Variants in SCARB2 observed in about 807,000 individuals in gnomAD.
SCARB2 encodes scavenger receptor class B member 2.
A neutral mutation model predicts 58.6 loss-of-function variants in SCARB2; 29 were observed. The observed-to-expected ratio is 0.49, with a 90% CI of 0.37 to 0.67. SCARB2 has a LOEUF of 0.67. Ranked by LOEUF, SCARB2 falls within the 30% of genes least tolerant of loss-of-function variation. The probability of loss-of-function intolerance (pLI) is 0.00; values close to 1 mark genes in which losing one functional copy is unlikely to be tolerated. For synonymous variants in SCARB2, 195 were observed against 210.1 expected, an observed-to-expected ratio of 0.93 and a Z score of 0.62; for missense variants, 488 against 578.5, an observed-to-expected ratio of 0.84 and a Z score of 1.60.
rs28589769 is a variant in SCARB2, at chr4:76,203,413, C to A, written c.118-7549G>T. Among the ~76,000 whole-genome samples the A allele has an allele frequency of 8.3e-3, 1,270 of 152,308 alleles. 15 individuals are homozygous for A. The highest frequency in any genetic ancestry group is 0.029 in the African/African-American group (1,205 of 41,560). Reference sequence around the variant, plus strand: ...AGCAGTGTATGAGCAACCATTTCAGCATATCCATCCCAATATTGGTGTTTA... The same window carrying A: ...AGCAGTGTATGAGCAACCATTTCAGAATATCCATCCCAATATTGGTGTTTA... On this transcript the variant is annotated intron_variant, in intron 1 of 11. Transcript: ENST00000264896.
chr4:76,175,747 A>G (rs1445542830), intron 6 of SCARB2, 44 bp downstream of exon 6: 1 of 1,611,038 alleles, frequency 6.2e-7, no homozygotes, highest in Non-Finnish European at 8.5e-7. Context: ...TCTTGCAGTG[A>G]AAGACCTTAT....
intron 8 of SCARB2, among the ~76,000 whole-genome samples, chr4:76,169,452 A>G (rs1027597570): frequency 5.3e-5 from 8 of 152,204 alleles, no homozygotes; most frequent in Admixed American, 5.2e-4. Flanking sequence ...GTTAATATAC[A>G]TATTCATATT....
chr4:76,181,525 T>A (rs1413552733), intron 2 of SCARB2, among the ~76,000 whole-genome samples: 2 of 152,196 alleles, frequency 1.3e-5, no homozygotes, highest in South Asian at 2.1e-4. Flanking sequence ...AATTTTATTT[T>A]AAAAAATAAT....
rs1401210252 is a variant in SCARB2 at position 76,161,004 on chromosome 4, T to C, written c.*709A>G. The stretch of plus-strand genomic sequence containing the variant: ...ACTTTATCCTCACCAACATTATTTA[T>C]GCATTCTCTTCGTTCACAAAAGTAC... On this transcript the variant is annotated 3_prime_UTR_variant, in exon 12 of 12. Coordinates refer to ENST00000264896, the MANE Select transcript of SCARB2 (RefSeq NM_005506.4). 1 of 152,510 alleles carries C rather than the reference T, an allele frequency of 6.6e-6. No homozygotes were observed. Among genetic ancestry groups the C allele is most frequent in the Non-Finnish European group, 1.5e-5 (1 of 68,214 alleles). 9.4% of individuals were successfully genotyped at this position (152,510 alleles called of 1,614,324 possible).
Position 76,213,578 on chromosome 4 carries a change from C to A in SCARB2, c.-35G>T, listed in dbSNP as rs1168028310. 1 of 1,567,148 alleles carries A rather than the reference C, an allele frequency of 6.4e-7. No individual in the cohort carries two copies. The highest frequency in any genetic ancestry group is 1.4e-5 in the African/African-American group (1 of 73,978). The stretch of plus-strand genomic sequence containing the variant: ...CGCTCACGGGCCGGGCCGGGCCGCA[C>A]CCGCCAGGGATCCAACTGCAAGGAG... On this transcript the variant is annotated 5_prime_UTR_variant, in exon 1 of 12. Coordinates refer to ENST00000264896, the MANE Select transcript of SCARB2 (RefSeq NM_005506.4).
At position 76,163,466 on chromosome 4, in the gene SCARB2, T is replaced by C; in HGVS notation, c.1240-83A>G. The C allele has an allele frequency of 8.6e-6, 13 of 1,516,036 alleles. 1 individual carries two copies. In the South Asian group the frequency reaches 9.1e-5, roughly 11 times the overall value. 93.9% of individuals were successfully genotyped at this position (1,516,036 alleles called of 1,614,324 possible). A position where few individuals can be genotyped will look rare whatever the true frequency, so the allele number is the denominator to read the frequency against. On this transcript the variant is annotated intron_variant, in intron 10 of 11. Coordinates refer to ENST00000264896, the MANE Select transcript of SCARB2 (RefSeq NM_005506.4). ...TTTGCTATATCTTTCCTTTGTTTAA[T>C]ACAATTTGGGAATGTCCTCCTGTTA...
At chr4:76,206,062 G>A (rs889759023) in intron 1 of SCARB2, among the ~76,000 whole-genome samples, 4 of 152,082 alleles carry the variant, frequency 2.6e-5, no homozygotes, top group Non-Finnish European at 5.9e-5. Flanking sequence ...ATTAGGTCAC[G>A]AGCGTAGAAC....
chr4:76,227,339 G>A (rs1195026137), intron 1 of SCARB2, among the ~76,000 whole-genome samples: 1 of 152,086 alleles, frequency 6.6e-6, no homozygotes, highest in African/African-American at 2.4e-5. Flanking sequence ...TCCATTATTT[G>A]TACAGTTTTG....
intron 10 of SCARB2, 42 bp downstream of exon 10, chr4:76,166,208 G>C (rs1732005101): frequency 1.3e-6 from 2 of 1,595,410 alleles, no homozygotes; most frequent in East Asian, 4.5e-5. Flanking sequence ...GATTTTTTCT[G>C]AGTCTGAAAA....
intron 2 of SCARB2, among the ~76,000 whole-genome samples, chr4:76,183,825 C>G (rs1578725847): frequency 6.6e-6 from 1 of 152,204 alleles, no homozygotes; most frequent in East Asian, 1.9e-4. Context: ...AGTCATCAGT[C>G]AATTCACTAG....
chr4:76,227,181 T>C (rs1733413042), intron 1 of SCARB2, among the ~76,000 whole-genome samples: 3 of 152,370 alleles, frequency 2.0e-5, no homozygotes, highest in Admixed American at 2.0e-4. Flanking sequence ...ACTTTCCTCT[T>C]AGCACCACTT....
intron 1 of SCARB2, among the ~76,000 whole-genome samples, chr4:76,220,046 G>C (rs1733282102): frequency 6.6e-6 from 1 of 152,176 alleles, no homozygotes; most frequent in African/African-American, 2.4e-5. Flanking sequence ...GCTATCTTAA[G>C]CAGAACTGTT....
intron 2 of SCARB2, among the ~76,000 whole-genome samples, chr4:76,191,527 T>C (rs1168863445): frequency 6.6e-6 from 1 of 152,084 alleles, no homozygotes; most frequent in African/African-American, 2.4e-5. Flanking sequence ...GCTCCTGCTC[T>C]GGCCATGTGA....
At chr4:76,223,574 T>C (rs1352146642) in intron 1 of SCARB2, among the ~76,000 whole-genome samples, 1 of 152,048 alleles carries the variant, frequency 6.6e-6, no homozygotes, top group Non-Finnish European at 1.5e-5. Context: ...TCCCAAGACG[T>C]TGCATTGGAA....
At chr4:76,190,223 T>C (rs1732576092) in intron 2 of SCARB2, among the ~76,000 whole-genome samples, 1 of 152,030 alleles carries the variant, frequency 6.6e-6, no homozygotes, top group South Asian at 2.1e-4. Context: ...TTGCCCAGCC[T>C]AGTCTCGAAC....
intron 1 of SCARB2, among the ~76,000 whole-genome samples, chr4:76,199,456 T>C (rs1732784307): frequency 6.6e-6 from 1 of 152,254 alleles, no homozygotes; most frequent in Non-Finnish European, 1.5e-5. Flanking sequence ...GTGTGTGATA[T>C]CTACAACTTA....
At chr4:76,233,529 G>A (rs142158852) in intron 1 of SCARB2, among the ~76,000 whole-genome samples, 272 of 151,970 alleles carry the variant, frequency 1.8e-3, no homozygotes, top group Middle Eastern at 6.8e-3. Context: ...CTGAGCACTT[G>A]TCTTTCTTTA....
At chr4:76,202,117 C>A (rs552521719) in intron 1 of SCARB2, among the ~76,000 whole-genome samples, 131 of 152,296 alleles carry the variant, frequency 8.6e-4, no homozygotes, top group African/African-American at 3.0e-3. Flanking sequence ...TATCAATCTA[C>A]AGAAATTTCT....
intron 1 of SCARB2, among the ~76,000 whole-genome samples, chr4:76,210,171 C>G (rs948158879): frequency 6.6e-6 from 1 of 152,120 alleles, no homozygotes; most frequent in African/African-American, 2.4e-5. Context: ...TTATAGATAT[C>G]ATATTATTTC....
Sources: gnomAD v4.1 joint callset for allele counts (sites outside exome capture counted in the v4.1 genomes callset) on GRCh38, gnomAD v4.1.1 for gene constraint, MANE v1.5 for transcripts, NCBI Gene and HGNC (gene_info 2026-07-23, HGNC 2026-07-21) for gene names.